The following PLEKHN1 variants were observed in gnomAD, a reference collection of about 807,000 sequenced individuals.
The protein encoded by PLEKHN1 is pleckstrin homology domain containing N1, also known as pleckstrin homology domain-containing family N member 1.
In PLEKHN1, 68 loss-of-function variants were observed where a neutral mutation model predicts 72.8. The observed-to-expected ratio is 0.93, with a 90% CI of 0.77 to 1.14. PLEKHN1 has a LOEUF of 1.14. Ranked by LOEUF, PLEKHN1 falls within the 50% of genes most tolerant of loss-of-function variation. PLEKHN1 has a pLI of 0.00. For missense variants in PLEKHN1, 1,015 were observed against 840.5 expected, an observed-to-expected ratio of 1.21 and a Z score of -2.57; for synonymous variants, 454 against 371.6, an observed-to-expected ratio of 1.22 and a Z score of -2.55.
chr1:973,017 G>T lies in PLEKHN1; in HGVS notation c.1152+7G>T. On this transcript the variant is annotated splice_region_variant and intron_variant, in intron 11 of 15. Coordinates refer to ENST00000379410, the MANE Select transcript of PLEKHN1 (RefSeq NM_032129.3). The stretch of plus-strand genomic sequence containing the variant: ...CTCCTCCCAGCACACACCGGTGAGC[G>T]CTTACGGGGTGGCAGACGAAAGTGG... 6.3e-7 allele frequency: 1 copy of T among 1,593,398 alleles called. No homozygotes were observed. The highest frequency in any genetic ancestry group is 8.6e-7 in the Non-Finnish European group (1 of 1,168,716).
chr1:973,784 T>TGG, intron 13 of PLEKHN1, 49 bp from the exon 14 acceptor site: 1 of 1,584,446 alleles, frequency 6.3e-7, no homozygotes, highest in South Asian at 1.1e-5. Flanking sequence ...GTTGAGGTTC[T>TGG]GGGGGCCCCT....
In PLEKHN1 at chr1:972,432, G is replaced by A. The variant is rs2100474093; in HGVS notation, c.1002+8G>A. On this transcript the variant is annotated splice_region_variant and intron_variant, in intron 10 of 15. Coordinates refer to ENST00000379410, the MANE Select transcript of PLEKHN1 (RefSeq NM_032129.3). ...AGCTTCCCAGGGTCGCAGGTGAGGG[G>A]TCAATAGGCCCCACAGCCCAGGTCC... is the stretch of plus-strand genomic sequence containing the variant. 1.9e-6 allele frequency: 3 copies of A among 1,558,730 alleles called. No individual in the cohort carries two copies. Among genetic ancestry groups the A allele is most frequent in the Admixed American group, 1.9e-5 (1 of 52,566 alleles).
At chr1:973,809 C>A (rs1643469654) in intron 13 of PLEKHN1, 24 bp from the exon 14 acceptor site, 1 of 1,600,496 alleles carries the variant, frequency 6.2e-7, no homozygotes. Context: ...GCCACCCAGG[C>A]CCCAGCCCTG....
chr1:968,544 G>T (rs1643124834), intron 2 of PLEKHN1, among the ~76,000 whole-genome samples: 1 of 152,216 alleles, frequency 6.6e-6, no homozygotes, highest in South Asian at 2.1e-4. Flanking sequence ...AGGCTCTGGG[G>T]ACACAGCAGT....
At chr1:971,979 C>T (rs1286860942) in intron 8 of PLEKHN1, 96 bp from the exon 9 acceptor site, 2 of 1,236,566 alleles carry the variant, frequency 1.6e-6, no homozygotes, top group South Asian at 1.4e-5. Context: ...CTCCAAGTAC[C>T]CAGCCAAGCT....
chr1:972,574 TGACC>T (rs1309830086), intron 10 of PLEKHN1, 150 bp downstream of exon 10: 21 of 1,088,732 alleles, frequency 1.9e-5, no homozygotes, highest in Non-Finnish European at 1.9e-5. Flanking sequence ...GAGATCAGCC[TGACC>T]GACGTGGAGA....
Position 971,159 on chromosome 1 carries a change from G to A in PLEKHN1, c.659G>A (p.Gly220Asp). The change falls in exon 7 of 16, where the codon GGC becomes GAC. Residue 220 changes from glycine to aspartate, a missense_variant. Gly to Asp is a moderately conservative substitution (Grantham distance 94). Coordinates refer to ENST00000379410, the MANE Select transcript of PLEKHN1 (RefSeq NM_032129.3). ...ACGGCGTCAGGGCACGAACCCGGCG[G>A]CAGTGCTGTCTGTGCCTCGAGGGTC... ...LRTASGHEPG[G>D]SAVCASRVKL... 1.3e-6 allele frequency: 2 copies of A among 1,599,366 alleles called. No homozygotes were observed. The highest frequency in any genetic ancestry group is 1.1e-5 in the South Asian group (1 of 88,680).
In PLEKHN1 at chr1:966,600, G is replaced by A. The variant is rs774694660; in HGVS notation, c.69G>A (p.Ser23=). ...GGGCCTCCTTCTCCAGAAAGCCCTC[G>A]CTGAAGGGAAACAGGTGAGCGGGGC... is the stretch of plus-strand genomic sequence containing the variant. The part of the protein sequence containing the change: ...RLRASFSRKP[S]LKGNREDSAR... The change falls in exon 1 of 16, where the codon TCG becomes TCA. Residue 23 remains serine, a synonymous_variant. Coordinates refer to ENST00000379410, the MANE Select transcript of PLEKHN1 (RefSeq NM_032129.3). 3.1e-6 allele frequency: 5 copies of A among 1,610,674 alleles called. No homozygotes were observed. The South Asian group carries it at 3.3e-5, about 11-fold the overall frequency.
Position 974,884 on chromosome 1 carries a change from G to C in PLEKHN1, c.*309G>C, listed in dbSNP as rs114241396. 4.9e-6 allele frequency: 2 copies of C among 410,076 alleles called. No homozygotes were observed. Among genetic ancestry groups the C allele is most frequent in the Admixed American group, 8.0e-5 (2 of 25,004 alleles). 25.4% of individuals were successfully genotyped at this position (410,076 alleles called of 1,614,324 possible). On this transcript the variant is annotated 3_prime_UTR_variant, in exon 16 of 16. Transcript: ENST00000379410. ...CCGCCAGGAGTCAGGGAGGAGACTC[G>C]CTGGGAGTGGGAGGGCAGCACGGGC...
intron 2 of PLEKHN1, among the ~76,000 whole-genome samples, chr1:967,732 A>G (rs1018778721): frequency 1.3e-5 from 2 of 152,168 alleles, no homozygotes; most frequent in Non-Finnish European, 1.5e-5. Flanking sequence ...TTCGGAAACC[A>G]CGCTGCCTCA....
rs747353412 is a variant in PLEKHN1 at position 966,768 on chromosome 1, G to C, written c.148G>C (p.Ala50Pro). Reference sequence around the variant, plus strand: ...CGAGGCTGCTCGAAGCGGGGACGCCGCCGCCAACAAGCTCTTCCACTACAT... The same window carrying C: ...CGAGGCTGCTCGAAGCGGGGACGCCCCCGCCAACAAGCTCTTCCACTACAT... ...GPEAARSGDA[A>P]ANKLFHYIPG... is the part of the protein sequence containing the mutation. The change falls in exon 2 of 16, where the codon GCC becomes CCC. Residue 50 changes from alanine to proline, a missense_variant. By Grantham distance (27) the Ala-to-Pro change is conservative. Transcript: ENST00000379410. 3 of 1,571,124 alleles carry C rather than the reference G, an allele frequency of 1.9e-6. No individual in the cohort carries two copies. The African/African-American group carries it at 4.1e-5, about 21-fold the overall frequency.
At chr1:966,944 GC>G (rs1267196791) in intron 2 of PLEKHN1, 141 bp downstream of exon 2, 14 of 915,326 alleles carry the variant, frequency 1.5e-5, no homozygotes, top group Non-Finnish European at 2.1e-5. Flanking sequence ...GACGCTGACT[GC>G]CCCGCCCTGG....
Position 974,265 on chromosome 1 carries a change from T to C in PLEKHN1, c.1654-51T>C, listed in dbSNP as rs373247636. ...GCACAGTGACAGGCCGCCTCCAAGCTCCCTGCCTGGGGCTGTGCCCGGCTC... is the reference window on the plus strand; with the variant it reads ...GCACAGTGACAGGCCGCCTCCAAGCCCCCTGCCTGGGGCTGTGCCCGGCTC... On this transcript the variant is annotated intron_variant, in intron 14 of 15. Coordinates refer to ENST00000379410, the MANE Select transcript of PLEKHN1 (RefSeq NM_032129.3). The C allele has an allele frequency of 5.0e-6, 8 of 1,612,158 alleles. No individual in the cohort carries two copies. The African/African-American group carries it at 9.4e-5, about 19-fold the overall frequency.
chr1:973,889 G>T lies in PLEKHN1; in HGVS notation c.1491G>T (p.Ser497=). The T allele has an allele frequency of 1.9e-6, 3 of 1,611,126 alleles. No individual in the cohort carries two copies. The highest frequency in any genetic ancestry group is 2.5e-6 in the Non-Finnish European group (3 of 1,179,916). Residue 497 remains serine, a synonymous_variant, in exon 14 of 16, where the codon TCG becomes TCT. Transcript: ENST00000379410. ...CCACGCCCTCGAGCCCACTCCCCTCGGTGCCTGTGTCTGTGCCTGCCTCTG... is the reference window on the plus strand; with the variant it reads ...CCACGCCCTCGAGCCCACTCCCCTCTGTGCCTGTGTCTGTGCCTGCCTCTG... The part of the protein sequence containing the change: ...RGPTPSSPLP[S]VPVSVPASDP...
rs927456529 is a variant in PLEKHN1 at position 966,523 on chromosome 1, A to C, written c.-9A>C. On this transcript the variant is annotated 5_prime_UTR_variant, in exon 1 of 16. Transcript: ENST00000379410. ...GGACCCAGACTTGCCGACCTGTACGACTCTGGCCATGGGGAACAGCCACTG... is the reference window on the plus strand; with the variant it reads ...GGACCCAGACTTGCCGACCTGTACGCCTCTGGCCATGGGGAACAGCCACTG... 1.9e-6 allele frequency: 3 copies of C among 1,601,122 alleles called. No homozygotes were observed. Among genetic ancestry groups the C allele is most frequent in the Admixed American group, 1.7e-5 (1 of 59,538 alleles).
Position 970,449 on chromosome 1 carries a change from G to C in PLEKHN1, c.330+26G>C, listed in dbSNP as rs757474670. The C allele has an allele frequency of 1.2e-6, 2 of 1,613,084 alleles. No individual in the cohort carries two copies. The highest frequency in any genetic ancestry group is 1.7e-6 in the Non-Finnish European group (2 of 1,179,912). Reference sequence around the variant, plus strand: ...GTGGGGGCCGGGCTGGGTGGAGCACGCTAAGGGTGCAGCATCCCCATCAGC... The same window carrying C: ...GTGGGGGCCGGGCTGGGTGGAGCACCCTAAGGGTGCAGCATCCCCATCAGC... On this transcript the variant is annotated intron_variant, in intron 3 of 15. Coordinates refer to ENST00000379410, the MANE Select transcript of PLEKHN1 (RefSeq NM_032129.3). The surrounding 1 kb of genome is among the most constrained non-coding windows in gnomAD (Gnocchi z 4.2).
At chr1:966,900 C>T (rs1643020528) in intron 2 of PLEKHN1, 97 bp downstream of exon 2, 1 of 1,347,062 alleles carries the variant, frequency 7.4e-7, no homozygotes, top group East Asian at 2.6e-5. Flanking sequence ...TCCCCTCGCC[C>T]CCGGGGCGTT....
At chr1:968,998 C>T (rs1189201800) in intron 2 of PLEKHN1, among the ~76,000 whole-genome samples, 1 of 152,172 alleles carries the variant, frequency 6.6e-6, no homozygotes, top group African/African-American at 2.4e-5. Context: ...TCACATATTT[C>T]AGGCTGGGGG....
intron 7 of PLEKHN1, 52 bp downstream of exon 7, chr1:971,260 T>C: frequency 6.4e-7 from 1 of 1,555,248 alleles, no homozygotes; most frequent in African/African-American, 1.4e-5. Flanking sequence ...TGCATGGTGG[T>C]GGGCAGGGCG....
Sources: gnomAD v4.1 joint callset for allele counts (sites outside exome capture counted in the v4.1 genomes callset) on GRCh38, gnomAD v4.1.1 for gene constraint, Gnocchi (gnomAD v3.1) non-coding constraint, MANE v1.5 for transcripts, NCBI Gene and HGNC (gene_info 2026-07-23, HGNC 2026-07-21) for gene names.